MSI2: variants seen among roughly 807,000 people sequenced by gnomAD.
MSI2 encodes the protein musashi RNA binding protein 2.
MSI2 carries 17 observed loss-of-function variants against 45.6 expected under a neutral mutation model. That is an observed-to-expected ratio of 0.37 (90% CI 0.26 to 0.56). MSI2 has a LOEUF of 0.56. Among genes scored for constraint, MSI2 ranks in the 20% least tolerant of loss-of-function variants. The pLI is 0.77. For missense variants in MSI2, 293 were observed against 444.2 expected (o/e 0.66, Z 3.06); for synonymous variants, 156 against 158.2 (o/e 0.99, Z 0.11).
intron 10 of MSI2, among the ~76,000 whole-genome samples, chr17:57,641,066 T>G (rs4793557): frequency 0.71 from 107,708 of 152,052 alleles, 38,746 homozygotes; most frequent in African/African-American, 0.82. Context: ...GAGCCAAAGT[T>G]CCTCCCCACC....
intron 10 of MSI2, among the ~76,000 whole-genome samples, chr17:57,637,636 AG>A (rs912154768): frequency 2.0e-5 from 3 of 152,234 alleles, no homozygotes; most frequent in African/African-American, 7.2e-5. Flanking sequence ...CAGGAAAATA[AG>A]GCCATCTCTA....
chr17:57,537,863 G>A (rs1340976397), intron 7 of MSI2, among the ~76,000 whole-genome samples: 1 of 152,184 alleles, frequency 6.6e-6, no homozygotes, highest in Non-Finnish European at 1.5e-5. Context: ...TACCCAGGAT[G>A]AGCTGCACTT....
intron 5 of MSI2, among the ~76,000 whole-genome samples, chr17:57,333,853 A>G (rs944214607): frequency 6.6e-6 from 1 of 152,088 alleles, no homozygotes; most frequent in African/African-American, 2.4e-5. Flanking sequence ...GAAGATCAAG[A>G]AAAAGATGAA....
chr17:57,548,396 A>T (rs2087221012), intron 7 of MSI2, among the ~76,000 whole-genome samples: 2 of 152,142 alleles, frequency 1.3e-5, no homozygotes, highest in African/African-American at 2.4e-5. Flanking sequence ...GCGGAGAGGC[A>T]GTGATAGCCT....
rs60453737 is a variant in MSI2, at chr17:57,499,337, C to T, written c.406-30339C>T. On this transcript the variant is annotated intron_variant, in intron 6 of 13. Coordinates refer to ENST00000284073, the MANE Select transcript of MSI2 (RefSeq NM_138962.4). ...GTTGCAGTGAGCCGAGATTGTGCCA[C>T]GGCACTCCAGCCTGGGCAACAGAGT... Among the ~76,000 whole-genome samples, 685 of 142,592 alleles carry T rather than the reference C, an allele frequency of 4.8e-3. 6 individuals carry two copies. The highest frequency in any genetic ancestry group is 0.017 in the African/African-American group (658 of 38,070). 93.5% of individuals were successfully genotyped at this position (142,592 alleles called of 152,430 possible). A position where few individuals can be genotyped will look rare whatever the true frequency, so the allele number is the denominator to read the frequency against.
intron 11 of MSI2, among the ~76,000 whole-genome samples, chr17:57,668,598 T>C (rs1912546283): frequency 8.7e-6 from 1 of 114,390 alleles, no homozygotes; most frequent in African/African-American, 4.2e-5. Context: ...GGCTGCCCTG[T>C]CAGCCCAGTG....
chr17:57,530,071 T>C (rs771673866), intron 7 of MSI2, among the ~76,000 whole-genome samples: 7 of 152,194 alleles, frequency 4.6e-5, no homozygotes, highest in Non-Finnish European at 8.8e-5. Flanking sequence ...AGTGACTCAA[T>C]TGAGTTATCA....
At chr17:57,292,238 G>A (rs971148640) in intron 5 of MSI2, among the ~76,000 whole-genome samples, 2 of 152,152 alleles carry the variant, frequency 1.3e-5, no homozygotes, top group African/African-American at 2.4e-5. Flanking sequence ...TCTGCATTCC[G>A]CTCAAGAGAT....
intron 5 of MSI2, among the ~76,000 whole-genome samples, chr17:57,333,553 T>C (rs1437501968): frequency 6.6e-6 from 1 of 151,906 alleles, no homozygotes; most frequent in African/African-American, 2.4e-5. Flanking sequence ...TTCTCCTGCA[T>C]CAGCCTCCTG....
chr17:57,278,255 T>C, intron 5 of MSI2: 1 of 152,520 alleles, frequency 6.6e-6, no homozygotes, highest in Non-Finnish European at 1.5e-5. Flanking sequence ...CATTCTGATT[T>C]GAACAGTTTC....
intron 5 of MSI2, among the ~76,000 whole-genome samples, chr17:57,372,116 T>C (rs186532356): frequency 6.6e-6 from 1 of 152,318 alleles, no homozygotes; most frequent in Admixed American, 6.5e-5. Flanking sequence ...AACATTTTTA[T>C]ATGTGCTGAA....
intron 11 of MSI2, among the ~76,000 whole-genome samples, chr17:57,654,395 G>A (rs759002018): frequency 6.6e-6 from 1 of 152,212 alleles, no homozygotes; most frequent in Non-Finnish European, 1.5e-5. Flanking sequence ...TTCTTTTAAC[G>A]CATTCTGCCA....
intron 5 of MSI2, among the ~76,000 whole-genome samples, chr17:57,382,158 T>C (rs1171267984): frequency 1.3e-5 from 2 of 152,196 alleles, no homozygotes; most frequent in East Asian, 1.9e-4. Context: ...ATTCAGTAAA[T>C]ATTTATTGCA....
intron 10 of MSI2, among the ~76,000 whole-genome samples, chr17:57,636,691 CT>C: frequency 6.6e-6 from 1 of 152,350 alleles, no homozygotes; most frequent in East Asian, 1.9e-4. Flanking sequence ...GAAACTCCCT[CT>C]TTCCTCCTGC....
intron 9 of MSI2, among the ~76,000 whole-genome samples, chr17:57,618,766 T>C (rs1369021303): frequency 6.6e-6 from 1 of 152,100 alleles, no homozygotes; most frequent in Non-Finnish European, 1.5e-5. Context: ...ATGGTCTCGA[T>C]CTCTTGACCT....
chr17:57,567,514 G>C (rs1476029290), intron 7 of MSI2, among the ~76,000 whole-genome samples: 1 of 152,268 alleles, frequency 6.6e-6, no homozygotes, highest in Non-Finnish European at 1.5e-5. Flanking sequence ...TGGGCTGGCA[G>C]CTTGCGAGTG....
chr17:57,608,616 G>A (rs1462630105), intron 8 of MSI2, among the ~76,000 whole-genome samples: 1 of 152,242 alleles, frequency 6.6e-6, no homozygotes, highest in African/African-American at 2.4e-5. Context: ...CCCCCACGCT[G>A]GTCTAATGCT....
intron 6 of MSI2, among the ~76,000 whole-genome samples, chr17:57,419,332 G>A (rs1295843518): frequency 6.6e-6 from 1 of 151,516 alleles, no homozygotes; most frequent in Admixed American, 6.6e-5. Flanking sequence ...AGTAGAGGTA[G>A]AAAACTTGGG....
chr17:57,621,241 T>C (rs1303721471), intron 9 of MSI2, among the ~76,000 whole-genome samples: 2 of 152,214 alleles, frequency 1.3e-5, no homozygotes, highest in African/African-American at 4.8e-5. Context: ...CTGGAAGCAC[T>C]ACCATCCTCA....
Sources: gnomAD v4.1 joint callset for allele counts (sites outside exome capture counted in the v4.1 genomes callset) on GRCh38, gnomAD v4.1.1 for gene constraint, MANE v1.5 for transcripts, NCBI Gene and HGNC (gene_info 2026-07-23, HGNC 2026-07-21) for gene names.